The following TSPYL1 variants were observed in gnomAD, a reference collection of about 807,000 sequenced individuals.
The protein encoded by TSPYL1 is testis-specific Y-encoded-like protein 1.
TSPYL1 carries 16 observed loss-of-function variants against 20.1 expected under a neutral mutation model. The observed-to-expected ratio is 0.80, with a 90% CI of 0.54 to 1.21. TSPYL1 has a LOEUF of 1.21. Ranked by LOEUF, TSPYL1 falls within the 50% of genes most tolerant of loss-of-function variation. The pLI is 0.00. For missense variants in TSPYL1, 560 were observed against 569.3 expected (o/e 0.98, Z 0.17); for synonymous variants, 259 against 227.1 (o/e 1.14, Z -1.26).
At position 116,278,229 on chromosome 6, in the gene TSPYL1, G is replaced by A. The variant is rs990377900; in HGVS notation, c.*288C>T. On this transcript the variant is annotated 3_prime_UTR_variant, in exon 1 of 1. Coordinates refer to ENST00000368608, the MANE Select transcript of TSPYL1 (RefSeq NM_003309.4). ...ACAGGGTCCAAGCAGTGCAGATAAA[G>A]GCAGTACAATCTACAGTATCATTTG... is the stretch of plus-strand genomic sequence containing the variant. The A allele has an allele frequency of 7.3e-6, 3 of 412,068 alleles. No individual in the cohort carries two copies. The highest frequency in any genetic ancestry group is 1.4e-5 in the Non-Finnish European group (3 of 218,408). 25.5% of individuals were successfully genotyped at this position (412,068 alleles called of 1,614,324 possible).
chr6:116,279,307 A>G lies in TSPYL1; in HGVS notation c.524T>C (p.Val175Ala), dbSNP rs1313077127. Residue 175 changes from valine (V) to alanine (A), a missense_variant, in exon 1 of 1, where the codon GTG becomes GCG. Coordinates refer to ENST00000368608, the MANE Select transcript of TSPYL1 (RefSeq NM_003309.4). ...CTTCTCCGCCAGGCCTTCCTTCACCACCTCAGCGCTCTCCCTCTCAGCCAC... is the reference window on the plus strand; with the variant it reads ...CTTCTCCGCCAGGCCTTCCTTCACCGCCTCAGCGCTCTCCCTCTCAGCCAC... ...AAVAERESAE[V>A]VKEGLAEKEV... 2.5e-6 allele frequency: 4 copies of G among 1,604,818 alleles called. No homozygotes were observed. Among genetic ancestry groups the G allele is most frequent in the Non-Finnish European group, 1.7e-6 (2 of 1,178,330 alleles).
At position 116,279,810 on chromosome 6, in the gene TSPYL1, G is replaced by A; in HGVS notation, c.21C>T (p.Val7=). Residue 7 remains valine (V), a synonymous_variant, in exon 1 of 1, where the codon GTC becomes GTT. Coordinates refer to ENST00000368608, the MANE Select transcript of TSPYL1 (RefSeq NM_003309.4). MSGLDG[V]KRTTPLQTHS... is the part of the protein sequence containing the mutation. ...GGGTTTGGAGGGGAGTGGTCCTCTTGACCCCATCCAGGCCGCTCATGTTGC... is the reference window on the plus strand; with the variant it reads ...GGGTTTGGAGGGGAGTGGTCCTCTTAACCCCATCCAGGCCGCTCATGTTGC... 6.2e-7 allele frequency: 1 copy of A among 1,612,982 alleles called. No homozygotes were observed. Among genetic ancestry groups the A allele is most frequent in the Non-Finnish European group, 8.5e-7 (1 of 1,180,042 alleles).
In TSPYL1 at chr6:116,275,794, A is replaced by C. The variant is rs2114624330; in HGVS notation, c.*2723T>G. ...CCAGCCTGGGCAAGAGTGGGACTCT[A>C]TCTCAAAAAAAAAAAAAAAAAATGC... is the stretch of plus-strand genomic sequence containing the variant. On this transcript the variant is annotated 3_prime_UTR_variant, in exon 1 of 1. Coordinates refer to ENST00000368608, the MANE Select transcript of TSPYL1 (RefSeq NM_003309.4). 7.7e-6 allele frequency among the ~76,000 whole-genome samples: 1 copy of C among 129,938 alleles called. No homozygotes were observed. Among genetic ancestry groups the C allele is most frequent in the East Asian group, 2.0e-4 (1 of 5,000 alleles). 85.2% of individuals were successfully genotyped at this position (129,938 alleles called of 152,430 possible). A position where few individuals can be genotyped will look rare whatever the true frequency, so the allele number is the denominator to read the frequency against.
Position 116,279,567 on chromosome 6 carries a change from AC to A in TSPYL1, c.263del (p.Gly88ValfsTer27). 1.9e-6 allele frequency: 3 copies of A among 1,601,712 alleles called. No homozygotes were observed. The highest frequency in any genetic ancestry group is 1.7e-6 in the Non-Finnish European group (2 of 1,179,710). ...CGGCTTTGATCGCCACATGACCGCG[AC>A]CCCCAACAACTCGGATCTGGGGAGT... ...GGTPQIRVVGGRGHVAIKAGQ... is the reference protein window; with the variant it reads ...GGTPQIRVVGXRGHVAIKAGQ... On this transcript the variant is annotated frameshift_variant, in exon 1 of 1. Transcript: ENST00000368608. LOFTEE classifies it low-confidence loss of function (END_TRUNC).
At position 116,279,531 on chromosome 6, in the gene TSPYL1, C is replaced by T. The variant is rs1229453666; in HGVS notation, c.300G>A (p.Glu100=). ...GHVAIKAGQE[E]GQPPAEGLAA... ...CCAGGCCTTCGGCGGGAGGCTGGCC[C>T]TCTTCCTGCCCGGCTTTGATCGCCA... Residue 100 remains glutamate (E), a synonymous_variant, in exon 1 of 1, where the codon GAG becomes GAA. Coordinates refer to ENST00000368608, the MANE Select transcript of TSPYL1 (RefSeq NM_003309.4). 1.2e-6 allele frequency: 2 copies of T among 1,606,562 alleles called. No individual in the cohort carries two copies. Among genetic ancestry groups the T allele is most frequent in the South Asian group, 1.1e-5 (1 of 91,084 alleles).
chr6:116,277,263 G>A lies in TSPYL1; in HGVS notation c.*1254C>T, dbSNP rs1773186888. 6.6e-6 allele frequency: 1 copy of A among 152,584 alleles called. No homozygotes were observed. Among genetic ancestry groups the A allele is most frequent in the African/African-American group, 2.4e-5 (1 of 41,432 alleles). 9.5% of individuals were successfully genotyped at this position (152,584 alleles called of 1,614,324 possible). On this transcript the variant is annotated 3_prime_UTR_variant, in exon 1 of 1. Transcript: ENST00000368608. ...CTTTCTTTAAAGAACCCTTGTCTAG[G>A]CAACATATTTAACACTTTAACCCCT...
rs1191334784 is a variant in TSPYL1, at chr6:116,279,598, C to T, written c.233G>A (p.Gly78Asp). ...AACAACTCGGATCTGGGGAGTACCGCCACGGCCCGCGGCATCCTGGGGTAC... is the reference window on the plus strand; with the variant it reads ...AACAACTCGGATCTGGGGAGTACCGTCACGGCCCGCGGCATCCTGGGGTAC... Reference protein sequence around the residue: ...GGVPQDAAGRGGTPQIRVVGG... With the variant: ...GGVPQDAAGRDGTPQIRVVGG... Residue 78 changes from glycine (G) to aspartate (D), a missense_variant, in exon 1 of 1, where the codon GGC (glycine) becomes GAC (aspartate). Physicochemically the swap from Gly to Asp is moderately conservative, Grantham distance 94. Transcript: ENST00000368608. 1.2e-6 allele frequency: 2 copies of T among 1,602,026 alleles called. No individual in the cohort carries two copies. The highest frequency in any genetic ancestry group is 1.7e-6 in the Non-Finnish European group (2 of 1,179,788).
In TSPYL1 at chr6:116,275,978, C is replaced by A. The variant is rs1254531036; in HGVS notation, c.*2539G>T. On this transcript the variant is annotated 3_prime_UTR_variant, in exon 1 of 1. Coordinates refer to ENST00000368608, the MANE Select transcript of TSPYL1 (RefSeq NM_003309.4). ...GTTAATTCTTTGTTTGCTTATCAGT[C>A]CTTCCCCAGTTCCCCAAAGAAGGGA... Among the ~76,000 whole-genome samples, 2 of 152,156 alleles carry A rather than the reference C, an allele frequency of 1.3e-5. No individual in the cohort carries two copies. Among genetic ancestry groups the A allele is most frequent in the South Asian group, 2.1e-4 (1 of 4,828 alleles).
At position 116,278,776 on chromosome 6, in the gene TSPYL1, G is replaced by A. The variant is rs965025042; in HGVS notation, c.1055C>T (p.Ser352Phe). Residue 352 changes from serine to phenylalanine, a missense_variant, in exon 1 of 1, where the codon TCT (serine) becomes TTT (phenylalanine). Ser to Phe is a radical substitution (Grantham distance 155). Coordinates refer to ENST00000368608, the MANE Select transcript of TSPYL1 (RefSeq NM_003309.4). ...VRSSGRVVSL[S>F]TPIIWRRGHE... ...CCCCCTGCGCCATATAATTGGAGTA[G>A]AAAGAGACACCACTCGGCCGGAGGA... is the stretch of plus-strand genomic sequence containing the variant. 6.2e-7 allele frequency: 1 copy of A among 1,614,190 alleles called. No homozygotes were observed. The highest frequency in any genetic ancestry group is 8.5e-7 in the Non-Finnish European group (1 of 1,180,044).
chr6:116,278,795 C>A lies in TSPYL1; in HGVS notation c.1036G>T (p.Gly346Cys), dbSNP rs770717514. ...GGAGTAGAAAGAGACACCACTCGGC[C>A]GGAGGATCTTACCTCATATTCCTTG... is the stretch of plus-strand genomic sequence containing the variant. ...IVKEYEVRSS[G>C]RVVSLSTPII... is the part of the protein sequence containing the mutation. The change falls in exon 1 of 1, where the codon GGC (glycine) becomes TGC (cysteine). Residue 346 changes from glycine (G) to cysteine (C), a missense_variant. Gly to Cys is a radical substitution (Grantham distance 159). Coordinates refer to ENST00000368608, the MANE Select transcript of TSPYL1 (RefSeq NM_003309.4). 1.9e-6 allele frequency: 3 copies of A among 1,614,096 alleles called. No homozygotes were observed. Among genetic ancestry groups the A allele is most frequent in the Non-Finnish European group, 2.5e-6 (3 of 1,180,018 alleles).
rs1562197554 is a variant in TSPYL1 at position 116,278,751 on chromosome 6, C to A, written c.1080G>T (p.Gly360=). ...TGCGAATGAAGGACTGGGGTTCATG[C>A]CCCCTGCGCCATATAATTGGAGTAG... ...SLSTPIIWRR[G]HEPQSFIRRN... is the part of the protein sequence containing the mutation. The change falls in exon 1 of 1, where the codon GGG becomes GGT. Residue 360 remains glycine, a synonymous_variant. Transcript: ENST00000368608. 6.2e-7 allele frequency: 1 copy of A among 1,614,098 alleles called. No homozygotes were observed. The highest frequency in any genetic ancestry group is 8.5e-7 in the Non-Finnish European group (1 of 1,180,010).
rs890487586 is a variant in TSPYL1 at position 116,275,682 on chromosome 6, C to T, written c.*2835G>A. Among the ~76,000 whole-genome samples the T allele has an allele frequency of 1.3e-5, 2 of 152,064 alleles. No homozygotes were observed. The highest frequency in any genetic ancestry group is 2.9e-5 in the Non-Finnish European group (2 of 68,022). The stretch of plus-strand genomic sequence containing the variant: ...GGGCGTGGTAGCACGTGCCTGTAGT[C>T]CCAGCTACTCGGGAGGCTGATGCTG... On this transcript the variant is annotated 3_prime_UTR_variant, in exon 1 of 1. Transcript: ENST00000368608.
chr6:116,278,707 C>T lies in TSPYL1; in HGVS notation c.1124G>A (p.Cys375Tyr), dbSNP rs1366072220. The T allele has an allele frequency of 1.2e-6, 2 of 1,614,160 alleles. No homozygotes were observed. The highest frequency in any genetic ancestry group is 1.7e-6 in the Non-Finnish European group (2 of 1,180,032). Reference protein sequence around the residue: ...SFIRRNQDLICSFFTWFSDHS... With the variant: ...SFIRRNQDLIYSFFTWFSDHS... Reference sequence around the variant, plus strand: ...GTCTGAAAACCAAGTGAAGAAGCTGCAGATGAGGTCTTGGTTTCTGCGAAT... The same window carrying T: ...GTCTGAAAACCAAGTGAAGAAGCTGTAGATGAGGTCTTGGTTTCTGCGAAT... Residue 375 changes from cysteine to tyrosine, a missense_variant, in exon 1 of 1, where the codon TGC becomes TAC. By Grantham distance (194) the Cys-to-Tyr change is radical (BLOSUM62 -2). Transcript: ENST00000368608.
In TSPYL1 at chr6:116,279,223, T is replaced by C; in HGVS notation, c.608A>G (p.Glu203Gly). The C allele has an allele frequency of 6.2e-7, 1 of 1,609,760 alleles. No individual in the cohort carries two copies. The highest frequency in any genetic ancestry group is 1.1e-5 in the South Asian group (1 of 91,052). ...EEQPPEGEEI[E>G]VAEEDRLEEE... Reference sequence around the variant, plus strand: ...CTCCAATCTATCCTCCTCCGCCACTTCTATTTCTTCACCTTCTGGCGGCTG... The same window carrying C: ...CTCCAATCTATCCTCCTCCGCCACTCCTATTTCTTCACCTTCTGGCGGCTG... The change falls in exon 1 of 1, where the codon GAA (glutamate) becomes GGA (glycine). Residue 203 changes from glutamate to glycine, a missense_variant. By Grantham distance (98) the Glu-to-Gly change is moderately conservative. Coordinates refer to ENST00000368608, the MANE Select transcript of TSPYL1 (RefSeq NM_003309.4).
At position 116,277,066 on chromosome 6, in the gene TSPYL1, CTGT is replaced by C. The variant is rs1380460080; in HGVS notation, c.*1448_*1450del. The C allele has an allele frequency of 1.3e-5, 2 of 152,338 alleles. No individual in the cohort carries two copies. Among genetic ancestry groups the C allele is most frequent in the Non-Finnish European group, 2.9e-5 (2 of 68,020 alleles). 9.4% of individuals were successfully genotyped at this position (152,338 alleles called of 1,614,324 possible). A position where few individuals can be genotyped will look rare whatever the true frequency, so the allele number is the denominator to read the frequency against. On this transcript the variant is annotated 3_prime_UTR_variant, in exon 1 of 1. Transcript: ENST00000368608. ...CTCTATATTGTACAGGCAAGTAAGA[CTGT>C]TGTTCTTCCAAATGTTCCCAATTGA...
Position 116,279,380 on chromosome 6 carries a change from C to G in TSPYL1, c.451G>C (p.Glu151Gln). The change falls in exon 1 of 1, where the codon GAG becomes CAG. Residue 151 changes from glutamate to glutamine, a missense_variant. Physicochemically the swap from Glu to Gln is conservative, Grantham distance 29. Transcript: ENST00000368608. The stretch of plus-strand genomic sequence containing the variant: ...TTTCCTGTCTTCACCTCCTCCGCCT[C>G]AGCCTCCGCCCCCGCCGTCAGCTCA... ...ASELTAGAEA[E>Q]AEEVKTGKCA... The G allele has an allele frequency of 6.2e-7, 1 of 1,612,796 alleles. No homozygotes were observed. The highest frequency in any genetic ancestry group is 8.5e-7 in the Non-Finnish European group (1 of 1,180,028).
At position 116,277,165 on chromosome 6, in the gene TSPYL1, T is replaced by A. The variant is rs2114627734; in HGVS notation, c.*1352A>T. ...AATCAGAAAAAAAAATTTTACTAAATCCTAATGAAATAACAATCTTCCACA... is the reference window on the plus strand; with the variant it reads ...AATCAGAAAAAAAAATTTTACTAAAACCTAATGAAATAACAATCTTCCACA... On this transcript the variant is annotated 3_prime_UTR_variant, in exon 1 of 1. Transcript: ENST00000368608. 6.5e-6 allele frequency: 1 copy of A among 152,682 alleles called. No individual in the cohort carries two copies. Among genetic ancestry groups the A allele is most frequent in the Admixed American group, 6.5e-5 (1 of 15,292 alleles). The allele number at this position is 152,682 out of a possible 1,614,324, so 9.5% of individuals were successfully genotyped here.
In TSPYL1 at chr6:116,274,862, G is replaced by A. The variant is rs1388514163; in HGVS notation, c.*3655C>T. 6.6e-6 allele frequency among the ~76,000 whole-genome samples: 1 copy of A among 152,130 alleles called. No homozygotes were observed. The highest frequency in any genetic ancestry group is 1.5e-5 in the Non-Finnish European group (1 of 68,030). ...TCACAAGAAGCTTCAGGAGGAGAAA[G>A]TATTAACATGTTTAATTTTTACAGA... On this transcript the variant is annotated 3_prime_UTR_variant, in exon 1 of 1. Transcript: ENST00000368608.
Position 116,276,673 on chromosome 6 carries a change from G to A in TSPYL1, c.*1844C>T, listed in dbSNP as rs530762016. On this transcript the variant is annotated 3_prime_UTR_variant, in exon 1 of 1. Transcript: ENST00000368608. Reference sequence around the variant, plus strand: ...TGATTCCATAATTTTTAATTAATATGAACAACTTCATTCAAGCATTACATT... The same window carrying A: ...TGATTCCATAATTTTTAATTAATATAAACAACTTCATTCAAGCATTACATT... The A allele has an allele frequency of 1.2e-3, 178 of 152,126 alleles. 1 individual carries two copies. The highest frequency in any genetic ancestry group is 2.9e-3 in the Admixed American group (44 of 15,290). 9.4% of individuals were successfully genotyped at this position (152,126 alleles called of 1,614,324 possible).
Sources: allele counts gnomAD v4.1 joint callset (sites outside exome capture counted in the v4.1 genomes callset), GRCh38; gene constraint gnomAD v4.1.1; transcripts MANE v1.5; gene names NCBI Gene and HGNC (gene_info 2026-07-23, HGNC 2026-07-21).